ABCA10: variants seen among roughly 807,000 people sequenced by gnomAD.
ABCA10 encodes ATP binding cassette subfamily A member 10.
Under a neutral mutation model 187.5 loss-of-function variants are expected in ABCA10, and 169 were observed. The observed-to-expected ratio is 0.90, with a 90% CI of 0.80 to 1.02. The LOEUF is 1.02. Among genes scored for constraint, ABCA10 ranks in the 50% least tolerant of loss-of-function variants. The pLI is 0.00. For synonymous variants in ABCA10, 574 were observed against 601.8 expected, an observed-to-expected ratio of 0.95 and a Z score of 0.68; for missense variants, 1,727 against 1,812.4, an observed-to-expected ratio of 0.95 and a Z score of 0.86.
intron 25 of ABCA10, among the ~76,000 whole-genome samples, chr17:69,165,659 T>C (rs542344723): frequency 4.6e-4 from 70 of 152,276 alleles, no homozygotes; most frequent in Admixed American, 7.8e-4. Flanking sequence ...CTCCAGTTCT[T>C]CTGCCATTCA....
chr17:69,203,690 C>A (rs2074566444), intron 9 of ABCA10, among the ~76,000 whole-genome samples: 1 of 152,174 alleles, frequency 6.6e-6, no homozygotes, highest in African/African-American at 2.4e-5. Context: ...AGTGAAAGAG[C>A]CTACATACAC....
Position 69,187,796 on chromosome 17 carries a change from G to A in ABCA10, c.2215C>T (p.Leu739Phe). ...ESEMEQVLCS[L>F]PETRKAVSSA... ...CTGACAGCCTTTCTTGTTTCAGGAA[G>A]AGAACAAAGAACCTGTTCCATTTCA... The change falls in exon 19 of 39, where the codon CTT becomes TTT. Residue 739 changes from leucine (L) to phenylalanine (F), a missense_variant. Leu to Phe is a conservative substitution (Grantham distance 22). Coordinates refer to ENST00000690296, the MANE Select transcript of ABCA10 (RefSeq NM_001377321.1). 1.9e-6 allele frequency: 3 copies of A among 1,613,852 alleles called. No individual in the cohort carries two copies. Among genetic ancestry groups the A allele is most frequent in the Non-Finnish European group, 2.5e-6 (3 of 1,179,780 alleles).
At chr17:69,157,560 T>C (rs79889734) in intron 27 of ABCA10, among the ~76,000 whole-genome samples, 1 of 152,078 alleles carries the variant, frequency 6.6e-6, no homozygotes, top group Non-Finnish European at 1.5e-5. Flanking sequence ...CGCTGGATGG[T>C]CAAAACAAAA....
chr17:69,193,160 C>A lies in ABCA10; in HGVS notation c.1730G>T (p.Arg577Leu), dbSNP rs546114873. 2.5e-6 allele frequency: 4 copies of A among 1,613,838 alleles called. No homozygotes were observed. The highest frequency in any genetic ancestry group is 2.2e-5 in the East Asian group (1 of 44,866). ...GAATTGGGTACTGAAGAGGATAAGT[C>A]GGTCTACTTTATGCTCCTTCAGGAG... is the stretch of plus-strand genomic sequence containing the variant. ...WSLLKEHKVD[R>L]LILFSTQFMD... is the part of the protein sequence containing the mutation. Residue 577 changes from arginine to leucine, a missense_variant, in exon 15 of 39, where the codon CGA (arginine) becomes CTA (leucine). Coordinates refer to ENST00000690296, the MANE Select transcript of ABCA10 (RefSeq NM_001377321.1).
At chr17:69,187,629 G>T (rs778359854) in intron 19 of ABCA10, 52 bp downstream of exon 19, 46 of 1,493,254 alleles carry the variant, frequency 3.1e-5, no homozygotes, top group Middle Eastern at 3.5e-4. Context: ...CTTAATATTT[G>T]AATGTTTTTT....
chr17:69,171,011 C>T (rs1466217228), intron 25 of ABCA10, among the ~76,000 whole-genome samples: 3 of 152,142 alleles, frequency 2.0e-5, no homozygotes, highest in Non-Finnish European at 4.4e-5. Flanking sequence ...CTTGTACAAT[C>T]GTAGATGGAT....
rs565207171 is a variant in ABCA10, at chr17:69,239,755, T to A, written c.-593+4774A>T. Among the ~76,000 whole-genome samples, 3 of 152,314 alleles carry A rather than the reference T, an allele frequency of 2.0e-5. No individual in the cohort carries two copies. In the South Asian group the frequency reaches 6.2e-4, roughly 32 times the overall value. On this transcript the variant is annotated intron_variant, in intron 1 of 39. Transcript: ENST00000269081. ...ATTGCTCTCTGTGAGCCCAGTGTTA[T>A]CATGGTATCACTTACCATCAGCTCA...
chr17:69,153,312 G>T lies in ABCA10; in HGVS notation c.4129C>A (p.Gln1377Lys). 6.2e-7 allele frequency: 1 copy of T among 1,610,094 alleles called. No homozygotes were observed. Among genetic ancestry groups the T allele is most frequent in the Non-Finnish European group, 8.5e-7 (1 of 1,178,450 alleles). ...FTGMDPEGQQ[Q>K]MWQILQATVK... is the part of the protein sequence containing the mutation. Reference sequence around the variant, plus strand: ...AATATTCACTCTCCTTACCACATTTGCTGCTGCCCCTCGGGGTCCATCCCG... The same window carrying T: ...AATATTCACTCTCCTTACCACATTTTCTGCTGCCCCTCGGGGTCCATCCCG... The change falls in exon 34 of 39, where the codon CAA (glutamine) becomes AAA (lysine). Residue 1377 changes from glutamine to lysine, a missense_variant. Gln to Lys is a moderately conservative substitution (Grantham distance 53). Transcript: ENST00000690296.
At chr17:69,202,041 C>A (rs561491846) in intron 9 of ABCA10, among the ~76,000 whole-genome samples, 1 of 152,314 alleles carries the variant, frequency 6.6e-6, no homozygotes, top group Non-Finnish European at 1.5e-5. Context: ...CCTCGGCCTC[C>A]CAAAGTGCTG....
At position 69,214,909 on chromosome 17, in the gene ABCA10, A is replaced by G. The variant is rs556246798; in HGVS notation, c.859-58T>C. On this transcript the variant is annotated intron_variant, in intron 8 of 38. Coordinates refer to ENST00000690296, the MANE Select transcript of ABCA10 (RefSeq NM_001377321.1). ...TGAACTTATAAAACTAAATAAAACA[A>G]TTTTTTTTAAAAAATAGTGGTACCT... is the stretch of plus-strand genomic sequence containing the variant. The G allele has an allele frequency of 1.4e-5, 18 of 1,295,972 alleles. No homozygotes were observed. The South Asian group carries it at 2.7e-4, about 20-fold the overall frequency. The allele number at this position is 1,295,972 out of a possible 1,614,324, so 80.3% of individuals were successfully genotyped here. A position where few individuals can be genotyped will look rare whatever the true frequency, so the allele number is the denominator to read the frequency against.
chr17:69,183,679 G>A (rs2074398481), intron 20 of ABCA10, among the ~76,000 whole-genome samples: 1 of 152,116 alleles, frequency 6.6e-6, no homozygotes, highest in African/African-American at 2.4e-5. Flanking sequence ...TAGGGGTAGA[G>A]GAAGCAGTGG....
rs968775443 is a variant in ABCA10 at position 69,149,260 on chromosome 17, G to A, written c.4478-172C>T. 2.6e-5 allele frequency: 17 copies of A among 658,396 alleles called. 1 individual carries two copies. In the South Asian group the frequency reaches 3.4e-4, roughly 13 times the overall value. 40.8% of individuals were successfully genotyped at this position (658,396 alleles called of 1,614,324 possible). A position where few individuals can be genotyped will look rare whatever the true frequency, so the allele number is the denominator to read the frequency against. On this transcript the variant is annotated intron_variant, in intron 37 of 38. Transcript: ENST00000690296. ...GTGGTGATATGGCTAATAAAAGATA[G>A]CCATGCATGAACATATTCAGTTTCC...
rs1307706874 is a variant in ABCA10, at chr17:69,174,576, T to C, written c.3048+31A>G. The C allele has an allele frequency of 2.6e-6, 4 of 1,550,386 alleles. No individual in the cohort carries two copies. In the South Asian group the frequency reaches 4.9e-5, roughly 19 times the overall value. ...AATTTTCATTTTGATTCTACTATTA[T>C]AATTGGCTTGTGGAAAAAATGATCA... On this transcript the variant is annotated intron_variant, in intron 24 of 38. Coordinates refer to ENST00000690296, the MANE Select transcript of ABCA10 (RefSeq NM_001377321.1).
chr17:69,155,681 T>C, intron 29 of ABCA10, 124 bp downstream of exon 29: 1 of 1,242,166 alleles, frequency 8.1e-7, no homozygotes, highest in South Asian at 1.8e-5. Flanking sequence ...AATTTGAATA[T>C]AAGCTATAAA....
chr17:69,173,834 T>G (rs1371192950), intron 25 of ABCA10, among the ~76,000 whole-genome samples: 1 of 152,150 alleles, frequency 6.6e-6, no homozygotes, highest in Non-Finnish European at 1.5e-5. Context: ...ATTTATTTTA[T>G]TCATCTATAT....
intron 20 of ABCA10, among the ~76,000 whole-genome samples, chr17:69,184,884 C>T (rs1164853061): frequency 2.0e-5 from 3 of 147,772 alleles, no homozygotes; most frequent in African/African-American, 5.1e-5. Context: ...TATATATACA[C>T]ACACACACAT....
At chr17:69,239,158 G>T (rs1215586572) in intron 1 of ABCA10, among the ~76,000 whole-genome samples, 2 of 152,168 alleles carry the variant, frequency 1.3e-5, no homozygotes, top group East Asian at 3.9e-4. Context: ...GGAGGTTGTA[G>T]GGGCTCAGCA....
At chr17:69,207,618 C>G (rs1387664819) in intron 9 of ABCA10, among the ~76,000 whole-genome samples, 1 of 151,956 alleles carries the variant, frequency 6.6e-6, no homozygotes, top group African/African-American at 2.4e-5. Context: ...ATGCATGAAC[C>G]TGGAGATACA....
intron 25 of ABCA10, among the ~76,000 whole-genome samples, chr17:69,171,983 C>T (rs1468863327): frequency 8.7e-6 from 1 of 115,388 alleles, no homozygotes; most frequent in South Asian, 2.9e-4. Flanking sequence ...GAAAAAAAGA[C>T]TAAAATCCAA....
Sources: allele counts gnomAD v4.1 joint callset (sites outside exome capture counted in the v4.1 genomes callset), GRCh38; gene constraint gnomAD v4.1.1; transcripts MANE v1.5; gene names NCBI Gene and HGNC (gene_info 2026-07-23, HGNC 2026-07-21).